MGA: variants seen among roughly 807,000 people sequenced by gnomAD.
The protein encoded by MGA is MAX gene-associated protein.
MGA carries 40 observed loss-of-function variants against 261.1 expected under a neutral mutation model. The ratio of observed to expected loss-of-function variants is 0.15; its 90% CI spans 0.12 to 0.20. MGA has a LOEUF of 0.20. Ranked by LOEUF, MGA falls within the 10% of genes least tolerant of loss-of-function variation. The pLI, the probability that MGA is intolerant of heterozygous loss-of-function variation, is 1.00. For missense variants in MGA, 3,397 were observed against 3,630.5 expected (o/e 0.94, Z 1.65); for synonymous variants, 1,302 against 1,290.6 (o/e 1.01, Z -0.19).
chr15:41,695,110 G>T (rs1038075815), intron 2 of MGA, among the ~76,000 whole-genome samples: 6 of 152,068 alleles, frequency 3.9e-5, no homozygotes, highest in African/African-American at 1.4e-4. Flanking sequence ...GATATTTTGA[G>T]GTGGGGGGAA....
intron 13 of MGA, among the ~76,000 whole-genome samples, chr15:41,738,486 G>A (rs2061913824): frequency 6.6e-6 from 1 of 152,160 alleles, no homozygotes; most frequent in Admixed American, 6.5e-5. Flanking sequence ...AAATGCTTCT[G>A]TTGATATTTC....
chr15:41,696,253 T>G lies in MGA; in HGVS notation c.1243T>G (p.Ser415Ala). ...GACAGATGAAGAGACGGATGTATACTCAAACAGTGATGATGATCCTATACT... is the reference window on the plus strand; with the variant it reads ...GACAGATGAAGAGACGGATGTATACGCAAACAGTGATGATGATCCTATACT... The change falls in exon 3 of 24, where the codon TCA becomes GCA. Residue 415 changes from serine to alanine, a missense_variant. Physicochemically the swap from Ser to Ala is moderately conservative, Grantham distance 99. Coordinates refer to ENST00000219905, the MANE Select transcript of MGA (RefSeq NM_001164273.2). 9 of 1,613,928 alleles carry G rather than the reference T, an allele frequency of 5.6e-6. No individual in the cohort carries two copies. The highest frequency in any genetic ancestry group is 7.6e-6 in the Non-Finnish European group (9 of 1,179,898).
intron 1 of MGA, among the ~76,000 whole-genome samples, chr15:41,624,621 C>T (rs1057309012): frequency 8.5e-5 from 13 of 152,150 alleles, no homozygotes; most frequent in South Asian, 2.1e-4. Context: ...CGTGAGCCAC[C>T]GCACCTGGCT....
In MGA at chr15:41,736,658, A is replaced by G. The variant is rs747164010; in HGVS notation, c.4394A>G (p.Tyr1465Cys). The G allele has an allele frequency of 1.7e-5, 28 of 1,613,350 alleles. 1 individual carries two copies. In the South Asian group the frequency reaches 2.6e-4, roughly 15 times the overall value. The change falls in exon 13 of 24, where the codon TAT (tyrosine) becomes TGT (cysteine). Residue 1465 changes from tyrosine (Y) to cysteine (C), a missense_variant. By Grantham distance (194) the Tyr-to-Cys change is radical (BLOSUM62 -2). Coordinates refer to ENST00000219905, the MANE Select transcript of MGA (RefSeq NM_001164273.2). ...TCTCCTGCAGGGAAGCTTGTGGCCT[A>G]TAAACGTAAACCCAGTTCAAGTACA...
chr15:41,734,670 C>A, intron 12 of MGA, 76 bp downstream of exon 12: 1 of 1,113,146 alleles, frequency 9.0e-7, no homozygotes. Context: ...GGGAGAAAAC[C>A]CAAACCATCA....
At chr15:41,667,242 A>G (rs984765266) in intron 1 of MGA, among the ~76,000 whole-genome samples, 5 of 151,746 alleles carry the variant, frequency 3.3e-5, no homozygotes, top group Non-Finnish European at 7.4e-5. Flanking sequence ...TATTACTGTT[A>G]ATGTATTTTT....
In MGA at chr15:41,740,215, T is replaced by C. The variant is rs774885924; in HGVS notation, c.4585+12T>C. The stretch of plus-strand genomic sequence containing the variant: ...AAAACGGCCAATTGGTAAGTTGGGG[T>C]GTATGTATGGTTTGGAAAGGCCTAT... On this transcript the variant is annotated intron_variant, in intron 14 of 23. Coordinates refer to ENST00000219905, the MANE Select transcript of MGA (RefSeq NM_001164273.2). 6 of 1,612,844 alleles carry C rather than the reference T, an allele frequency of 3.7e-6. No homozygotes were observed. The South Asian group carries it at 5.5e-5, about 15-fold the overall frequency.
chr15:41,733,585 T>A lies in MGA; in HGVS notation c.3844-937T>A, dbSNP rs560151414. Among the ~76,000 whole-genome samples the A allele has an allele frequency of 2.6e-5, 4 of 152,300 alleles. No individual in the cohort carries two copies. In the East Asian group the frequency reaches 5.8e-4, roughly 22 times the overall value. The stretch of plus-strand genomic sequence containing the variant: ...AACCACTAAAGGTATAAATCAGCAG[T>A]TTTCTTTTAAACAGCAATTTGTTAA... On this transcript the variant is annotated intron_variant, in intron 11 of 23. Coordinates refer to ENST00000219905, the MANE Select transcript of MGA (RefSeq NM_001164273.2).
intron 2 of MGA, among the ~76,000 whole-genome samples, chr15:41,677,574 C>G (rs1477751577): frequency 2.0e-5 from 3 of 152,196 alleles, no homozygotes; most frequent in Non-Finnish European, 2.9e-5. Context: ...CAACAGTGCA[C>G]AAGTGTTCTA....
In MGA at chr15:41,711,499, C is replaced by T. The variant is rs1014898835; in HGVS notation, c.3084+150C>T. ...CATGGGAACTAAGGCTATGTCTTCC[C>T]CATTTGTTCTTTACCAACTAGATAC... On this transcript the variant is annotated intron_variant, in intron 8 of 23. Coordinates refer to ENST00000219905, the MANE Select transcript of MGA (RefSeq NM_001164273.2). 5 of 785,000 alleles carry T rather than the reference C, an allele frequency of 6.4e-6. No individual in the cohort carries two copies. In the South Asian group the frequency reaches 9.9e-5, roughly 15 times the overall value. 48.6% of individuals were successfully genotyped at this position (785,000 alleles called of 1,614,324 possible). A position where few individuals can be genotyped will look rare whatever the true frequency, so the allele number is the denominator to read the frequency against.
At chr15:41,724,684 C>T (rs373962615) in intron 9 of MGA, among the ~76,000 whole-genome samples, 3 of 152,010 alleles carry the variant, frequency 2.0e-5, no homozygotes, top group East Asian at 3.8e-4. Flanking sequence ...CAAATTCTGT[C>T]TCAAAATAAA....
At chr15:41,740,876 A>G (rs2062051026) in intron 14 of MGA, among the ~76,000 whole-genome samples, 1 of 152,206 alleles carries the variant, frequency 6.6e-6, no homozygotes. Context: ...TGAAGTCTGT[A>G]ATAAATTACC....
rs185790561 is a variant in MGA, at chr15:41,707,882, G to A, written c.2320+23G>A. On this transcript the variant is annotated intron_variant, in intron 6 of 23. Transcript: ENST00000219905. Reference sequence around the variant, plus strand: ...CTGGTGAGTATGTAACATTTGTAAAGTCAAACACTATTTTTCTTGAAGTTT... The same window carrying A: ...CTGGTGAGTATGTAACATTTGTAAAATCAAACACTATTTTTCTTGAAGTTT... 46 of 1,590,274 alleles carry A rather than the reference G, an allele frequency of 2.9e-5. No homozygotes were observed. In the African/African-American group the frequency reaches 4.8e-4, roughly 16 times the overall value.
chr15:41,709,782 A>G (rs2060296670), intron 7 of MGA, among the ~76,000 whole-genome samples: 1 of 79,112 alleles, frequency 1.3e-5, no homozygotes, highest in Non-Finnish European at 2.7e-5. Context: ...GCCTGCTTTA[A>G]TTTCTTTTTT....
intron 1 of MGA, among the ~76,000 whole-genome samples, chr15:41,651,840 C>T (rs1273839843): frequency 1.4e-5 from 1 of 69,880 alleles, no homozygotes; most frequent in Non-Finnish European, 2.9e-5. Flanking sequence ...CTCCCCCTCT[C>T]CTCTCCCCTC....
intron 1 of MGA, among the ~76,000 whole-genome samples, chr15:41,649,271 A>G (rs7183061): frequency 6.6e-6 from 1 of 151,502 alleles, no homozygotes; most frequent in East Asian, 1.9e-4. Context: ...AATCCCAGCT[A>G]TTCGGGAGGC....
chr15:41,750,326 A>T lies in MGA; in HGVS notation c.6719A>T (p.Glu2240Val), dbSNP rs1336533241. Reference sequence around the variant, plus strand: ...GAAGATGCCAGAGTTTTGAAAACTGAATGTGATTCTTGGAGTAGGATTTCT... The same window carrying T: ...GAAGATGCCAGAGTTTTGAAAACTGTATGTGATTCTTGGAGTAGGATTTCT... Residue 2240 changes from glutamate (E) to valine (V), a missense_variant, in exon 17 of 24, where the codon GAA becomes GTA. Physicochemically the swap from Glu to Val is moderately radical, Grantham distance 121. Coordinates refer to ENST00000219905, the MANE Select transcript of MGA (RefSeq NM_001164273.2). 4.3e-6 allele frequency: 7 copies of T among 1,613,942 alleles called. 1 individual carries two copies. Among genetic ancestry groups the T allele is most frequent in the Non-Finnish European group, 5.1e-6 (6 of 1,179,908 alleles).
chr15:41,754,465 A>C lies in MGA; in HGVS notation c.7037A>C (p.Asp2346Ala), dbSNP rs1338380561. The C allele has an allele frequency of 6.4e-7, 1 of 1,556,750 alleles. No individual in the cohort carries two copies. Among genetic ancestry groups the C allele is most frequent in the African/African-American group, 1.4e-5 (1 of 73,572 alleles). The stretch of plus-strand genomic sequence containing the variant: ...AACTGTGTAGAATACATTGAGGATG[A>C]TGAGGAGCACGTGGACATTGAGACT... The change falls in exon 18 of 24, where the codon GAT becomes GCT. Residue 2346 changes from aspartate (D) to alanine (A), a missense_variant. By Grantham distance (126) the Asp-to-Ala change is moderately radical (BLOSUM62 -2). Transcript: ENST00000219905.
intron 1 of MGA, among the ~76,000 whole-genome samples, chr15:41,650,876 A>G (rs1274115266): frequency 6.6e-6 from 1 of 152,218 alleles, no homozygotes; most frequent in Non-Finnish European, 1.5e-5. Context: ...ATAGAAGCCC[A>G]TTTCCAAGTA....
Sources: allele counts gnomAD v4.1 joint callset (sites outside exome capture counted in the v4.1 genomes callset), GRCh38; gene constraint gnomAD v4.1.1; transcripts MANE v1.5; gene names NCBI Gene and HGNC (gene_info 2026-07-23, HGNC 2026-07-21).